DIAPH2: variants seen among roughly 807,000 people sequenced by gnomAD.
DIAPH2 encodes the protein protein diaphanous homolog 2.
In DIAPH2, 35 loss-of-function variants were observed where a neutral mutation model predicts 92.7. That is an observed-to-expected ratio of 0.38 (90% CI 0.29 to 0.50). DIAPH2 has a LOEUF of 0.50. Among genes scored for constraint, DIAPH2 ranks in the 20% least tolerant of loss-of-function variants. The probability of loss-of-function intolerance (pLI) is 0.94; values close to 1 mark genes in which losing one functional copy is unlikely to be tolerated. For synonymous variants in DIAPH2, 301 were observed against 280.4 expected, an observed-to-expected ratio of 1.07 and a Z score of -0.73; for missense variants, 701 against 819.5, an observed-to-expected ratio of 0.86 and a Z score of 1.77.
intron 26 of DIAPH2, among the ~76,000 whole-genome samples, chrX:97,485,159 AGT>A (rs2070678946): frequency 8.9e-6 from 1 of 112,219 alleles, no homozygotes; most frequent in Admixed American, 9.4e-5. Flanking sequence ...GGCAATTCAC[AGT>A]GTGACTAGTA....
At chrX:97,248,743 T>C (rs2068162200) in intron 23 of DIAPH2, among the ~76,000 whole-genome samples, 1 of 112,006 alleles carries the variant, frequency 8.9e-6, no homozygotes. Flanking sequence ...TGTTTCAAGG[T>C]TAAATCTATT....
chrX:97,065,956 G>C (rs970750372), intron 17 of DIAPH2, among the ~76,000 whole-genome samples: 4 of 111,852 alleles, frequency 3.6e-5, no homozygotes, highest in Non-Finnish European at 1.9e-5. Flanking sequence ...ACAGAATAAG[G>C]ATATAGAGAA....
chrX:97,116,377 AT>A (rs1006194123), intron 21 of DIAPH2, among the ~76,000 whole-genome samples: 9 of 112,202 alleles, frequency 8.0e-5, no homozygotes, highest in African/African-American at 2.9e-4. Context: ...TGAAGAAAAC[AT>A]TTTTACCCCC....
chrX:97,126,227 T>G (rs2067093437), intron 21 of DIAPH2, among the ~76,000 whole-genome samples: 1 of 111,777 alleles, frequency 8.9e-6, no homozygotes, highest in African/African-American at 3.3e-5. Flanking sequence ...TGTATGAGAC[T>G]GTTCCAAAAA....
At chrX:96,856,066 A>C (rs1300666747) in intron 4 of DIAPH2, among the ~76,000 whole-genome samples, 1 of 112,230 alleles carries the variant, frequency 8.9e-6, no homozygotes, top group East Asian at 2.8e-4. Flanking sequence ...CAGAATGTTG[A>C]AAAACAAATA....
intron 17 of DIAPH2, among the ~76,000 whole-genome samples, chrX:97,036,261 T>C (rs1416987181): frequency 8.9e-6 from 1 of 112,007 alleles, no homozygotes; most frequent in Admixed American, 9.5e-5. Flanking sequence ...TTATGTAAAA[T>C]ACACAATTAA....
intron 21 of DIAPH2, among the ~76,000 whole-genome samples, chrX:97,125,508 A>C (rs2067088303): frequency 9.3e-6 from 1 of 107,183 alleles, no homozygotes; most frequent in African/African-American, 3.4e-5. Context: ...AAGAATGCAA[A>C]CTAAGAATTA....
chrX:96,793,384 G>A (rs910357762), intron 4 of DIAPH2, among the ~76,000 whole-genome samples: 1 of 112,380 alleles, frequency 8.9e-6, no homozygotes, highest in Admixed American at 9.4e-5. Context: ...GGCCAGCGTC[G>A]TCTCCAGCTC....
chrX:97,355,175 A>AG (rs2147698757), intron 24 of DIAPH2, among the ~76,000 whole-genome samples: 1 of 111,987 alleles, frequency 8.9e-6, no homozygotes, highest in African/African-American at 3.2e-5. Context: ...ACAAGGCCTC[A>AG]GTCATGTCTA....
chrX:96,761,680 A>C (rs951919557), intron 4 of DIAPH2, among the ~76,000 whole-genome samples: 4 of 111,364 alleles, frequency 3.6e-5, no homozygotes, highest in Non-Finnish European at 7.6e-5. Flanking sequence ...TAAATGGGCC[A>C]TATTCTGGTT....
chrX:97,509,012 GTTAT>G lies in DIAPH2; in HGVS notation c.3241+79309_3241+79312del, dbSNP rs56002860. ...GACTACCAAGAGAAAAGCATACAAA[GTTAT>G]TTATTTATTTATTTATTTATTTATT... On this transcript the variant is annotated intron_variant, in intron 26 of 26. Coordinates refer to ENST00000324765, the MANE Select transcript of DIAPH2 (RefSeq NM_006729.5). Among the ~76,000 whole-genome samples, 847 of 90,418 alleles carry G rather than the reference GTTAT, an allele frequency of 9.4e-3. 4 individuals are homozygous for G. The highest frequency in any genetic ancestry group is 0.025 in the African/African-American group (638 of 25,508). The allele number at this position is 90,418 out of a possible 115,157, so 78.5% of individuals were successfully genotyped here.
chrX:96,953,471 C>T lies in DIAPH2; in HGVS notation c.1615-4357C>T, dbSNP rs757634523. On this transcript the variant is annotated intron_variant, in intron 15 of 26. Transcript: ENST00000324765. ...TTTAAACTTTCATAAAAGAGGAAAC[C>T]AAAACCTCCAAATCAAAAGCCTTAA... Among the ~76,000 whole-genome samples, 10 of 111,494 alleles carry T rather than the reference C, an allele frequency of 9.0e-5. No homozygotes were observed. In the East Asian group the frequency reaches 2.2e-3, roughly 25 times the overall value.
At chrX:96,798,486 T>C (rs961312895) in intron 4 of DIAPH2, among the ~76,000 whole-genome samples, 13 of 111,492 alleles carry the variant, frequency 1.2e-4, no homozygotes, top group Admixed American at 7.7e-4. Context: ...TTCATTTCTC[T>C]TATTTATGTT....
chrX:97,482,476 A>C (rs907377338), intron 26 of DIAPH2, among the ~76,000 whole-genome samples: 6 of 111,539 alleles, frequency 5.4e-5, no homozygotes, highest in African/African-American at 2.0e-4. Context: ...TTCTCTTGTG[A>C]CTTTGACTCA....
intron 4 of DIAPH2, among the ~76,000 whole-genome samples, chrX:96,798,307 T>TC (rs1208343178): frequency 1.8e-5 from 2 of 111,645 alleles, no homozygotes; most frequent in Non-Finnish European, 1.9e-5. Context: ...AGCCTTTTTT[T>TC]CCCTCTCTGT....
intron 16 of DIAPH2, among the ~76,000 whole-genome samples, chrX:96,962,398 T>C (rs2065863462): frequency 1.6e-5 from 1 of 62,866 alleles, no homozygotes; most frequent in Non-Finnish European, 2.9e-5. Flanking sequence ...TATACACATA[T>C]ATATACACAT....
chrX:97,528,104 A>G (rs995014230), intron 26 of DIAPH2, among the ~76,000 whole-genome samples: 2 of 112,155 alleles, frequency 1.8e-5, no homozygotes, highest in African/African-American at 6.5e-5. Context: ...AGCACCAGCA[A>G]CCAAAGGAAA....
intron 4 of DIAPH2, among the ~76,000 whole-genome samples, chrX:96,781,248 T>A (rs1250035643): frequency 2.7e-5 from 3 of 111,884 alleles, no homozygotes; most frequent in Non-Finnish European, 3.8e-5. Flanking sequence ...TCTGTGGGAC[T>A]AAACTATAAA....
intron 17 of DIAPH2, among the ~76,000 whole-genome samples, chrX:96,989,201 C>T (rs968985711): frequency 4.5e-5 from 5 of 111,476 alleles, no homozygotes; most frequent in African/African-American, 1.6e-4. Flanking sequence ...TGACAAACTG[C>T]CAAAATGGAT....
Sources: gnomAD v4.1 joint callset for allele counts (sites outside exome capture counted in the v4.1 genomes callset) on GRCh38, gnomAD v4.1.1 for gene constraint, MANE v1.5 for transcripts, NCBI Gene and HGNC (gene_info 2026-07-23, HGNC 2026-07-21) for gene names.